Variants in PLCB4 observed in about 807,000 individuals in gnomAD.
The protein encoded by PLCB4 is 1-phosphatidylinositol 4,5-bisphosphate phosphodiesterase beta-4.
PLCB4 carries 77 observed loss-of-function variants against 178.8 expected under a neutral mutation model. The ratio of observed to expected loss-of-function variants is 0.43; its 90% CI spans 0.36 to 0.52. The LOEUF is 0.52. Ranked by LOEUF, PLCB4 falls within the 20% of genes least tolerant of loss-of-function variation. The pLI is 0.00. For synonymous variants in PLCB4, 496 were observed against 490.8 expected, an observed-to-expected ratio of 1.01 and a Z score of -0.14; for missense variants, 1,024 against 1,453.4, an observed-to-expected ratio of 0.70 and a Z score of 4.80.
intron 3 of PLCB4, among the ~76,000 whole-genome samples, chr20:9,254,345 T>A (rs1165947183): frequency 6.6e-6 from 1 of 152,202 alleles, no homozygotes; most frequent in Non-Finnish European, 1.5e-5. Flanking sequence ...GATAAAAATG[T>A]CTCAGCCTAG....
intron 2 of PLCB4, among the ~76,000 whole-genome samples, chr20:9,206,022 C>G (rs2093609737): frequency 6.6e-6 from 1 of 152,138 alleles, no homozygotes; most frequent in African/African-American, 2.4e-5. Context: ...CTGAAAATTA[C>G]ATATGTAATT....
chr20:9,474,810 T>C (rs779889140), intron 38 of PLCB4, among the ~76,000 whole-genome samples: 1 of 152,244 alleles, frequency 6.6e-6, no homozygotes, highest in Non-Finnish European at 1.5e-5. Flanking sequence ...TTCCTAGTTA[T>C]GTTTCCCATT....
chr20:9,407,602 C>T (rs1344450753), intron 21 of PLCB4, among the ~76,000 whole-genome samples: 1 of 152,094 alleles, frequency 6.6e-6, no homozygotes, highest in Non-Finnish European at 1.5e-5. Context: ...AACTCCTGGC[C>T]TCCCAAAGTG....
chr20:9,310,241 C>T (rs554216198), intron 4 of PLCB4, among the ~76,000 whole-genome samples: 7 of 152,274 alleles, frequency 4.6e-5, no homozygotes, highest in African/African-American at 1.7e-4. Context: ...GGGATTACAG[C>T]TGAAAGCCAG....
At chr20:9,467,843 A>C (rs184818106) in intron 35 of PLCB4, among the ~76,000 whole-genome samples, 1 of 152,238 alleles carries the variant, frequency 6.6e-6, no homozygotes, top group Admixed American at 6.5e-5. Flanking sequence ...CTTTCAATAG[A>C]TCTCCATAGG....
At chr20:9,387,690 G>A in intron 15 of PLCB4, 134 bp downstream of exon 15, 1 of 502,324 alleles carries the variant, frequency 2.0e-6, no homozygotes, top group Non-Finnish European at 3.5e-6. Flanking sequence ...CCAGTCTTGA[G>A]GAAAAAGTCA....
intron 2 of PLCB4, among the ~76,000 whole-genome samples, chr20:9,190,057 T>C (rs1185743619): frequency 6.6e-6 from 1 of 152,206 alleles, no homozygotes; most frequent in African/African-American, 2.4e-5. Flanking sequence ...TGAGAACCAC[T>C]GCTTCACACC....
At chr20:9,156,068 G>C (rs1183684587) in intron 2 of PLCB4, among the ~76,000 whole-genome samples, 1 of 152,016 alleles carries the variant, frequency 6.6e-6, no homozygotes, top group Non-Finnish European at 1.5e-5. Flanking sequence ...GTATGCATAA[G>C]CTATCAACAC....
chr20:9,468,159 C>A (rs1478115285), intron 35 of PLCB4, among the ~76,000 whole-genome samples: 1 of 152,072 alleles, frequency 6.6e-6, no homozygotes, highest in African/African-American at 2.4e-5. Flanking sequence ...ATACTGTCTC[C>A]TCATCACAGG....
chr20:9,085,412 G>A (rs914504060), intron 1 of PLCB4, among the ~76,000 whole-genome samples: 9 of 152,150 alleles, frequency 5.9e-5, no homozygotes, highest in Non-Finnish European at 8.8e-5. Context: ...TAGCTAGCAC[G>A]TAGTAGGCTT....
rs148186965 is a variant in PLCB4, at chr20:9,475,609, C to A, written c.3496-1108C>A. Among the ~76,000 whole-genome samples, 254 of 152,318 alleles carry A rather than the reference C, an allele frequency of 1.7e-3. 2 individuals are homozygous for A. The South Asian group carries it at 0.022, about 13-fold the overall frequency. On this transcript the variant is annotated intron_variant, in intron 38 of 39. Coordinates refer to ENST00000378473, the MANE Select transcript of PLCB4 (RefSeq NM_001377142.1). Reference sequence around the variant, plus strand: ...AGGAAAAGACATTCAAGATATCATACTGATGCTTCTGGCAAGCAAAGAATT... The same window carrying A: ...AGGAAAAGACATTCAAGATATCATAATGATGCTTCTGGCAAGCAAAGAATT...
At chr20:9,078,771 T>G (rs1040844965) in intron 1 of PLCB4, among the ~76,000 whole-genome samples, 2 of 152,240 alleles carry the variant, frequency 1.3e-5, no homozygotes, top group South Asian at 4.1e-4. Context: ...ATAACTGTAA[T>G]TGTTATTAAT....
At chr20:9,422,832 G>A (rs1471858280) in intron 27 of PLCB4, among the ~76,000 whole-genome samples, 1 of 152,166 alleles carries the variant, frequency 6.6e-6, no homozygotes, top group Non-Finnish European at 1.5e-5. Flanking sequence ...GAGGGAAATT[G>A]GCTAAGTTAC....
At chr20:9,366,733 G>A (rs1290554541) in intron 9 of PLCB4, among the ~76,000 whole-genome samples, 1 of 152,194 alleles carries the variant, frequency 6.6e-6, no homozygotes, top group Admixed American at 6.5e-5. Context: ...ATGAAGACAG[G>A]CATGTATCTG....
intron 36 of PLCB4, among the ~76,000 whole-genome samples, chr20:9,468,977 A>T (rs909715734): frequency 1.4e-5 from 2 of 146,814 alleles, no homozygotes; most frequent in East Asian, 2.0e-4. Context: ...TATTTTATTC[A>T]TTTTTTTTTT....
At position 9,228,247 on chromosome 20, in the gene PLCB4, T is replaced by C. The variant is rs562384444; in HGVS notation, c.-16+10795T>C. Among the ~76,000 whole-genome samples the C allele has an allele frequency of 2.6e-5, 4 of 152,284 alleles. No individual in the cohort carries two copies. In the South Asian group the frequency reaches 8.3e-4, roughly 32 times the overall value. ...TTATAGAAGCAATTTTGAAAACAACTTTCTCTTATGTAAAAGAAAGCTGTG... is the reference window on the plus strand; with the variant it reads ...TTATAGAAGCAATTTTGAAAACAACCTTCTCTTATGTAAAAGAAAGCTGTG... On this transcript the variant is annotated intron_variant, in intron 3 of 39. Transcript: ENST00000378473.
chr20:9,444,260 C>G lies in PLCB4; in HGVS notation c.2880+17C>G. The G allele has an allele frequency of 6.7e-7, 1 of 1,485,942 alleles. No homozygotes were observed. Among genetic ancestry groups the G allele is most frequent in the Non-Finnish European group, 9.3e-7 (1 of 1,069,744 alleles). The allele number at this position is 1,485,942 out of a possible 1,614,324, so 92.0% of individuals were successfully genotyped here. On this transcript the variant is annotated intron_variant, in intron 32 of 39. Coordinates refer to ENST00000378473, the MANE Select transcript of PLCB4 (RefSeq NM_001377142.1). ...CATGCAAAGGTACAGTGCTCTACAG[C>G]TACTATTTTGTGTTATGTATGGATG...
chr20:9,256,960 TG>T, intron 3 of PLCB4, among the ~76,000 whole-genome samples: 1 of 152,284 alleles, frequency 6.6e-6, no homozygotes, highest in Admixed American at 6.5e-5. Flanking sequence ...TTGAGGTTTG[TG>T]GGCAAGTGAT....
At chr20:9,272,009 G>A (rs1344822124) in intron 3 of PLCB4, among the ~76,000 whole-genome samples, 2 of 150,710 alleles carry the variant, frequency 1.3e-5, no homozygotes, top group Non-Finnish European at 3.0e-5. Flanking sequence ...AAGATCCTAT[G>A]TCTACCAAAA....
Sources: gnomAD v4.1 joint callset for allele counts (sites outside exome capture counted in the v4.1 genomes callset) on GRCh38, gnomAD v4.1.1 for gene constraint, MANE v1.5 for transcripts, NCBI Gene and HGNC (gene_info 2026-07-23, HGNC 2026-07-21) for gene names.